Variants in MYT1L observed in about 807,000 individuals in gnomAD.
The protein encoded by MYT1L is myelin transcription factor 1 like.
Under a neutral mutation model 126.7 loss-of-function variants are expected in MYT1L, and 12 were observed. The observed-to-expected ratio is 0.09, with a 90% CI of 0.06 to 0.15. The LOEUF is 0.15. Ranked by LOEUF, MYT1L falls within the 10% of genes least tolerant of loss-of-function variation. MYT1L has a pLI of 1.00. For missense variants in MYT1L, 979 were observed against 1,585.2 expected, an observed-to-expected ratio of 0.62 and a Z score of 6.49; for synonymous variants, 541 against 604.2, an observed-to-expected ratio of 0.90 and a Z score of 1.53.
rs113127717 is a variant in MYT1L, at chr2:1,806,688, C to T, written c.3172+2388G>A. On this transcript the variant is annotated intron_variant, in intron 22 of 24. Transcript: ENST00000647738. The surrounding 1 kb of genome is among the most constrained non-coding windows in gnomAD (Gnocchi z 4.9). ...GCCACCTCAGGGATCTGCCCACCGC[C>T]GCCCAGGTGGACCAGCCCAGGTGTG... 8.3e-4 allele frequency among the ~76,000 whole-genome samples: 127 copies of T among 152,298 alleles called. No individual in the cohort carries two copies. Among genetic ancestry groups the T allele is most frequent in the African/African-American group, 2.4e-3 (98 of 41,578 alleles).
At chr2:2,068,766 C>CCTTTTTTT (rs2074203341) in intron 3 of MYT1L, among the ~76,000 whole-genome samples, 1 of 5,880 alleles carries the variant, frequency 1.7e-4, no homozygotes, top group African/African-American at 5.5e-4. Context: ...CTGTGTTCTT[C>CCTTTTTTT]TTGTTTTTTT....
chr2:2,150,068 T>A (rs2085497105), intron 3 of MYT1L, among the ~76,000 whole-genome samples: 1 of 152,170 alleles, frequency 6.6e-6, no homozygotes, highest in Non-Finnish European at 1.5e-5. Context: ...TCTGCCATCT[T>A]CCACCTCCCT....
In MYT1L at chr2:2,095,380, T is replaced by G. The variant is rs866293854; in HGVS notation, c.-303-41257A>C. ...TCATCAATGCTCCTCAGTATGGGCA[T>G]TGTTGTTACAAGAGTTCTATGAAAA... On this transcript the variant is annotated intron_variant, in intron 3 of 24. Coordinates refer to ENST00000647738, the MANE Select transcript of MYT1L (RefSeq NM_001303052.2). Among the ~76,000 whole-genome samples the G allele has an allele frequency of 2.6e-5, 4 of 152,318 alleles. No individual in the cohort carries two copies. The Middle Eastern group carries it at 0.01, about 389-fold the overall frequency.
intron 1 of MYT1L, among the ~76,000 whole-genome samples, chr2:2,328,818 G>C (rs1286340312): frequency 6.6e-6 from 1 of 152,152 alleles, no homozygotes; most frequent in Non-Finnish European, 1.5e-5. Flanking sequence ...TTTGGAAATA[G>C]AGTAAAATAT....
intron 9 of MYT1L, among the ~76,000 whole-genome samples, chr2:1,932,993 C>T (rs970869073): frequency 5.9e-5 from 9 of 152,114 alleles, no homozygotes; most frequent in Non-Finnish European, 1.0e-4. Flanking sequence ...AGCCAGGTTG[C>T]CTGTGTCAGC....
intron 3 of MYT1L, among the ~76,000 whole-genome samples, chr2:2,160,981 C>T (rs891908953): frequency 6.6e-6 from 1 of 152,080 alleles, no homozygotes; most frequent in African/African-American, 2.4e-5. Context: ...CTTTGGGAGG[C>T]CAAGGCGGGC....
In MYT1L at chr2:1,979,032, T is replaced by C. The variant is rs986984293; in HGVS notation, c.152+133A>G. 4.6e-5 allele frequency: 32 copies of C among 697,798 alleles called. No homozygotes were observed. Among genetic ancestry groups the C allele is most frequent in the African/African-American group, 9.0e-5 (5 of 55,500 alleles). 43.2% of individuals were successfully genotyped at this position (697,798 alleles called of 1,614,324 possible). On this transcript the variant is annotated intron_variant, in intron 8 of 24. Transcript: ENST00000647738. The surrounding 1 kb of genome is among the most constrained non-coding windows in gnomAD (Gnocchi z 4.0). Reference sequence around the variant, plus strand: ...TCAAGAGACAAAGACTGAGTTCCAGTGTGAGAAGAAAAAGAAGGCATAATG... The same window carrying C: ...TCAAGAGACAAAGACTGAGTTCCAGCGTGAGAAGAAAAAGAAGGCATAATG...
chr2:1,875,914 C>T lies in MYT1L; in HGVS notation c.2711+10625G>A, dbSNP rs377258603. Among the ~76,000 whole-genome samples the T allele has an allele frequency of 2.6e-5, 4 of 152,102 alleles. No individual in the cohort carries two copies. In the East Asian group the frequency reaches 7.7e-4, roughly 29 times the overall value. On this transcript the variant is annotated intron_variant, in intron 18 of 24. Transcript: ENST00000647738. ...AACTTCTCTACCCTTGAAAGTGGGC[C>T]CCTATCTCTCTGTTCATGTGTTACA...
intron 2 of MYT1L, among the ~76,000 whole-genome samples, chr2:2,200,715 T>C (rs72769225): frequency 0.17 from 26,371 of 152,116 alleles, 2,465 homozygotes; most frequent in African/African-American, 0.26. Context: ...AAGGCCACAT[T>C]TTTCTACTCT....
chr2:2,057,648 G>A (rs2069784027), intron 3 of MYT1L, among the ~76,000 whole-genome samples: 1 of 152,294 alleles, frequency 6.6e-6, no homozygotes, highest in African/African-American at 2.4e-5. Context: ...CCACTCATCA[G>A]TGTTTCCTGT....
intron 3 of MYT1L, among the ~76,000 whole-genome samples, chr2:2,090,060 C>G (rs954556154): frequency 3.3e-5 from 5 of 152,162 alleles, no homozygotes; most frequent in Non-Finnish European, 7.3e-5. Context: ...AGGTATCATA[C>G]ACAGTCTGCT....
chr2:2,183,925 G>A (rs745534480), intron 2 of MYT1L, among the ~76,000 whole-genome samples: 2 of 131,486 alleles, frequency 1.5e-5, no homozygotes, highest in African/African-American at 3.0e-5. Flanking sequence ...GGAGAGAGAG[G>A]AAGGAAGAAA....
chr2:2,006,637 G>A (rs192072452), intron 4 of MYT1L, among the ~76,000 whole-genome samples: 119 of 152,076 alleles, frequency 7.8e-4, no homozygotes, highest in African/African-American at 2.6e-3. Flanking sequence ...GTGCAGTGGC[G>A]TGATCTCGGC....
intron 18 of MYT1L, among the ~76,000 whole-genome samples, chr2:1,881,692 G>C (rs2047569646): frequency 1.3e-5 from 2 of 152,134 alleles, no homozygotes; most frequent in Non-Finnish European, 2.9e-5. Flanking sequence ...ACAGTGCTGG[G>C]GAGGTGGCCA....
chr2:2,122,625 A>G (rs1377390858), intron 3 of MYT1L, among the ~76,000 whole-genome samples: 1 of 152,224 alleles, frequency 6.6e-6, no homozygotes, highest in Non-Finnish European at 1.5e-5. Context: ...GCTAACAGCC[A>G]TTACTTGGAC....
chr2:2,015,452 G>C (rs2064279890), intron 4 of MYT1L, among the ~76,000 whole-genome samples: 1 of 152,154 alleles, frequency 6.6e-6, no homozygotes, highest in Non-Finnish European at 1.5e-5. Flanking sequence ...CACCTGGAAG[G>C]CTACCTCACC....
chr2:1,849,222 G>A (rs768766961), intron 19 of MYT1L, among the ~76,000 whole-genome samples: 1 of 152,106 alleles, frequency 6.6e-6, no homozygotes, highest in Non-Finnish European at 1.5e-5. Context: ...TCACCTTACG[G>A]GGTGCTGACA....
At chr2:2,241,601 G>A (rs537747454) in intron 2 of MYT1L, among the ~76,000 whole-genome samples, 1 of 152,242 alleles carries the variant, frequency 6.6e-6, no homozygotes, top group Non-Finnish European at 1.5e-5. Context: ...ATCCAAATGC[G>A]TTTCTTTCTT....
At chr2:1,875,720 C>A (rs2046824684) in intron 18 of MYT1L, among the ~76,000 whole-genome samples, 1 of 151,910 alleles carries the variant, frequency 6.6e-6, no homozygotes, top group Non-Finnish European at 1.5e-5. Flanking sequence ...CAGATTATTG[C>A]CAGGAAAGAA....
Sources: allele counts gnomAD v4.1 joint callset (sites outside exome capture counted in the v4.1 genomes callset), GRCh38; gene constraint gnomAD v4.1.1; non-coding constraint Gnocchi (gnomAD v3.1); transcripts MANE v1.5; gene names NCBI Gene and HGNC (gene_info 2026-07-23, HGNC 2026-07-21).